The following CHD6 variants were observed in gnomAD, a reference collection of about 807,000 sequenced individuals.
CHD6 encodes the protein ATP-dependent chromatin remodeler CHD6.
In CHD6, 50 loss-of-function variants were observed where a neutral mutation model predicts 276.9. That is an observed-to-expected ratio of 0.18 (90% CI 0.14 to 0.23). The LOEUF is 0.23. Among genes scored for constraint, CHD6 ranks in the 10% least tolerant of loss-of-function variants. The pLI is 1.00. For missense variants in CHD6, 2,564 were observed against 3,365.8 expected, an observed-to-expected ratio of 0.76 and a Z score of 5.89; for synonymous variants, 1,173 against 1,229.3, an observed-to-expected ratio of 0.95 and a Z score of 0.96.
At chr20:41,534,196 C>T (rs1324958644) in intron 2 of CHD6, among the ~76,000 whole-genome samples, 1 of 152,226 alleles carries the variant, frequency 6.6e-6, no homozygotes, top group East Asian at 1.9e-4. Context: ...CAAGGAACAG[C>T]ACCTTCTCCT....
chr20:41,485,985 T>C (rs1223337647), intron 14 of CHD6: 1 of 152,152 alleles, frequency 6.6e-6, no homozygotes, highest in African/African-American at 2.4e-5. Context: ...AATTGTTATA[T>C]ATAAATATTA....
chr20:41,406,590 G>T (rs2145363300), intron 36 of CHD6, among the ~76,000 whole-genome samples: 1 of 152,310 alleles, frequency 6.6e-6, no homozygotes, highest in East Asian at 1.9e-4. Context: ...CCAGGAACCT[G>T]GTCCCTGGAG....
In CHD6 at chr20:41,499,371, TA is replaced by T. The variant is rs577238726; in HGVS notation, c.853-15del. ...TTCTGGAGGCTCCTGGGGACAAAGATAAAAAAAAAAGAAAATTGCTGGAACC... is the reference window on the plus strand; with the variant it reads ...TTCTGGAGGCTCCTGGGGACAAAGATAAAAAAAAAGAAAATTGCTGGAACC... On this transcript the variant is annotated splice_polypyrimidine_tract_variant and intron_variant, in intron 5 of 36. Coordinates refer to ENST00000373233, the MANE Select transcript of CHD6 (RefSeq NM_032221.5). 3.1e-3 allele frequency: 4,270 copies of T among 1,367,750 alleles called. 1 individual carries two copies. The highest frequency in any genetic ancestry group is 5.4e-3 in the Admixed American group (246 of 45,396). 84.7% of individuals were successfully genotyped at this position (1,367,750 alleles called of 1,614,324 possible).
chr20:41,531,146 T>C (rs986117891), intron 3 of CHD6, among the ~76,000 whole-genome samples: 3 of 152,162 alleles, frequency 2.0e-5, no homozygotes, highest in Non-Finnish European at 4.4e-5. Flanking sequence ...TCATACAATG[T>C]AAACATGAAT....
At position 41,454,958 on chromosome 20, in the gene CHD6, A is replaced by AT. The variant is rs1038362036; in HGVS notation, c.3010-223dup. Among the ~76,000 whole-genome samples, 105 of 151,488 alleles carry AT rather than the reference A, an allele frequency of 6.9e-4. 1 individual carries two copies. The East Asian group carries it at 0.013, about 18-fold the overall frequency. On this transcript the variant is annotated intron_variant, in intron 19 of 36. Transcript: ENST00000373233. ...AATCATAATTTCAACTGAAGGGATC[A>AT]TTTTTTTTTGGAGCTTAAGCTTGGA...
chr20:41,476,408 A>G (rs1163620880), intron 16 of CHD6, among the ~76,000 whole-genome samples: 2 of 152,204 alleles, frequency 1.3e-5, no homozygotes, highest in South Asian at 2.1e-4. Flanking sequence ...GGCACAAGAA[A>G]TGTTGACTTT....
In CHD6 at chr20:41,421,683, G is replaced by A. The variant is rs770361577; in HGVS notation, c.4952C>T (p.Thr1651Ile). The A allele has an allele frequency of 6.8e-6, 11 of 1,613,658 alleles. No homozygotes were observed. The African/African-American group carries it at 8.0e-5, about 12-fold the overall frequency. ...ESLTYSQMSR[T>I]SESLENEPEN... is the part of the protein sequence containing the mutation. ...AGGTTCATTTTCAAGGGACTCTGAA[G>A]TCCTACTCATTTGAGAATATGTAAG... Residue 1651 changes from threonine (T) to isoleucine (I), a missense_variant, in exon 31 of 37, where the codon ACT (threonine) becomes ATT (isoleucine). Physicochemically the swap from Thr to Ile is moderately conservative, Grantham distance 89. Transcript: ENST00000373233.
rs1400510766 is a variant in CHD6, at chr20:41,481,910, A to C, written c.2468+1399T>G. ...GCACTGCAATTCAAACAAACAATAA[A>C]GCTAAACATATTTATGCAGAAAAAA... On this transcript the variant is annotated intron_variant, in intron 16 of 36. Coordinates refer to ENST00000373233, the MANE Select transcript of CHD6 (RefSeq NM_032221.5). 2.6e-5 allele frequency among the ~76,000 whole-genome samples: 4 copies of C among 152,118 alleles called. No individual in the cohort carries two copies. The East Asian group carries it at 7.7e-4, about 29-fold the overall frequency.
At chr20:41,434,251 G>A (rs2145560014) in intron 27 of CHD6, among the ~76,000 whole-genome samples, 1 of 152,278 alleles carries the variant, frequency 6.6e-6, no homozygotes, top group East Asian at 1.9e-4. Flanking sequence ...CATTAATCAA[G>A]GGAAAGTAGC....
chr20:41,518,753 T>C (rs2145992451), intron 3 of CHD6, among the ~76,000 whole-genome samples: 1 of 152,264 alleles, frequency 6.6e-6, no homozygotes, highest in East Asian at 1.9e-4. Context: ...GAAGAAAAGA[T>C]TCCCTGAAAG....
In CHD6 at chr20:41,405,298, A is replaced by C. The variant is rs1569036291; in HGVS notation, c.7443T>G (p.Leu2481=). ...TGCCTGGCATATTTCTCATGTTCTG[A>C]AGTCCTACCAGGTCCATCCCAGCAA... is the stretch of plus-strand genomic sequence containing the variant. ...GLIAGMDLVG[L]QNMRNMPGIP... Residue 2481 remains leucine (L), a synonymous_variant, in exon 37 of 37, where the codon CTT becomes CTG. Transcript: ENST00000373233. 1 of 1,614,174 alleles carries C rather than the reference A, an allele frequency of 6.2e-7. No homozygotes were observed. Among genetic ancestry groups the C allele is most frequent in the Non-Finnish European group, 8.5e-7 (1 of 1,180,030 alleles).
chr20:41,585,708 C>T lies in CHD6; in HGVS notation c.-24+32632G>A, dbSNP rs1489592311. On this transcript the variant is annotated intron_variant, in intron 1 of 36. Coordinates refer to ENST00000373233, the MANE Select transcript of CHD6 (RefSeq NM_032221.5). ...TTCCAGAAAAGAGAAAAGGAGGGGA[C>T]ACTTCCCACCTCATTTCATGAGGCC... Among the ~76,000 whole-genome samples, 5 of 152,212 alleles carry T rather than the reference C, an allele frequency of 3.3e-5. No individual in the cohort carries two copies. The East Asian group carries it at 9.6e-4, about 29-fold the overall frequency.
chr20:41,588,270 A>T (rs2045617527), intron 1 of CHD6, among the ~76,000 whole-genome samples: 1 of 152,178 alleles, frequency 6.6e-6, no homozygotes. Flanking sequence ...GTCATACAAC[A>T]ATAAGAATTT....
chr20:41,584,335 G>A (rs779527954), intron 1 of CHD6, among the ~76,000 whole-genome samples: 6 of 152,100 alleles, frequency 3.9e-5, no homozygotes, highest in African/African-American at 7.2e-5. Context: ...AACAGCATAC[G>A]ATGTAAGAAT....
chr20:41,474,647 A>G (rs966242941), intron 16 of CHD6, among the ~76,000 whole-genome samples: 1 of 152,192 alleles, frequency 6.6e-6, no homozygotes, highest in Non-Finnish European at 1.5e-5. Context: ...GGGAAATCAG[A>G]TCTCTAAAAC....
chr20:41,535,447 G>A (rs531275504), intron 2 of CHD6, among the ~76,000 whole-genome samples: 6 of 152,292 alleles, frequency 3.9e-5, no homozygotes, highest in African/African-American at 1.2e-4. Context: ...GCAGGAGCCT[G>A]GATTTGAACT....
At chr20:41,464,031 A>G (rs2042861902) in intron 17 of CHD6, among the ~76,000 whole-genome samples, 1 of 152,202 alleles carries the variant, frequency 6.6e-6, no homozygotes, top group Admixed American at 6.5e-5. Context: ...CAAAGGAGAG[A>G]GTGAGAAAGG....
In CHD6 at chr20:41,451,120, C is replaced by T; in HGVS notation, c.3524-15G>A. ...GGCAGATAAGCCTGAAACAGAAAGA[C>T]AGCATAGGGCAAGTGGATAGCCAAG... is the stretch of plus-strand genomic sequence containing the variant. On this transcript the variant is annotated splice_polypyrimidine_tract_variant and intron_variant, in intron 22 of 36. Coordinates refer to ENST00000373233, the MANE Select transcript of CHD6 (RefSeq NM_032221.5). The T allele has an allele frequency of 6.2e-7, 1 of 1,611,240 alleles. No homozygotes were observed. Among genetic ancestry groups the T allele is most frequent in the South Asian group, 1.1e-5 (1 of 90,572 alleles).
In CHD6 at chr20:41,451,116, A is replaced by G; in HGVS notation, c.3524-11T>C. 1 of 1,612,664 alleles carries G rather than the reference A, an allele frequency of 6.2e-7. No individual in the cohort carries two copies. The highest frequency in any genetic ancestry group is 1.1e-5 in the South Asian group (1 of 90,758). ...CTGGGGCAGATAAGCCTGAAACAGA[A>G]AGACAGCATAGGGCAAGTGGATAGC... On this transcript the variant is annotated splice_polypyrimidine_tract_variant and intron_variant, in intron 22 of 36. Coordinates refer to ENST00000373233, the MANE Select transcript of CHD6 (RefSeq NM_032221.5).
Sources: allele counts gnomAD v4.1 joint callset (sites outside exome capture counted in the v4.1 genomes callset), GRCh38; gene constraint gnomAD v4.1.1; transcripts MANE v1.5; gene names NCBI Gene and HGNC (gene_info 2026-07-23, HGNC 2026-07-21).